TANK: variants seen among roughly 807,000 people sequenced by gnomAD.
The protein encoded by TANK is TRAF family member-associated NF-kappa-B activator.
In TANK, 15 loss-of-function variants were observed where a neutral mutation model predicts 43.6. The ratio of observed to expected loss-of-function variants is 0.34; its 90% CI spans 0.23 to 0.53. The LOEUF is 0.53. Among genes scored for constraint, TANK ranks in the 20% least tolerant of loss-of-function variants. The probability of loss-of-function intolerance (pLI) is 0.94; values close to 1 mark genes in which losing one functional copy is unlikely to be tolerated. For missense variants in TANK, 417 were observed against 498.6 expected (o/e 0.84, Z 1.56); for synonymous variants, 162 against 178.2 (o/e 0.91, Z 0.73).
chr2:161,197,255 T>A (rs1337562159), intron 2 of TANK: 1 of 152,266 alleles, frequency 6.6e-6, no homozygotes, highest in African/African-American at 2.4e-5. Flanking sequence ...CATTAATCTT[T>A]AATCGTTTAG....
intron 2 of TANK, among the ~76,000 whole-genome samples, chr2:161,189,990 G>A (rs914272206): frequency 6.6e-6 from 1 of 152,148 alleles, no homozygotes; most frequent in Non-Finnish European, 1.5e-5. Flanking sequence ...GTTGGACTTC[G>A]TCAAAATTAA....
In TANK at chr2:161,231,001, C is replaced by G; in HGVS notation, c.551C>G (p.Thr184Arg). 1.9e-6 allele frequency: 3 copies of G among 1,613,814 alleles called. No individual in the cohort carries two copies. Among genetic ancestry groups the G allele is most frequent in the Non-Finnish European group, 2.5e-6 (3 of 1,179,910 alleles). The change falls in exon 7 of 8, where the codon ACG becomes AGG. Residue 184 changes from threonine to arginine, a missense_variant. Thr to Arg is a moderately conservative substitution (Grantham distance 71). Transcript: ENST00000392749. The stretch of plus-strand genomic sequence containing the variant: ...CAGTGCTCTGTGCCTATACAGTGTA[C>G]GGATAAAACAGATAAACAAGAAGCG... ...ETQCSVPIQC[T>R]DKTDKQEALF...
chr2:161,232,267 GTCT>G (rs2105174474), intron 7 of TANK, among the ~76,000 whole-genome samples: 1 of 152,156 alleles, frequency 6.6e-6, no homozygotes, highest in East Asian at 1.9e-4. Context: ...AAAGTTTAAT[GTCT>G]GAAAGCAAAT....
chr2:161,167,876 G>A (rs140601574), intron 1 of TANK, among the ~76,000 whole-genome samples: 3 of 151,916 alleles, frequency 2.0e-5, no homozygotes, highest in Admixed American at 6.6e-5. Flanking sequence ...CGCTCGCCTC[G>A]GCCTCCCAGA....
At chr2:161,202,182 CTTTTTTTTTTTT>C (rs35913723) in intron 2 of TANK, among the ~76,000 whole-genome samples, 3 of 78,132 alleles carry the variant, frequency 3.8e-5, no homozygotes, top group Non-Finnish European at 7.2e-5. Context: ...GCTCTAATTT[CTTTTTTTTTTTT>C]TTTTTTTTTT....
intron 1 of TANK, among the ~76,000 whole-genome samples, chr2:161,172,801 A>T (rs774018073): frequency 6.6e-6 from 1 of 152,172 alleles, no homozygotes; most frequent in Non-Finnish European, 1.5e-5. Context: ...GTGCACATCC[A>T]GTCGGCCACC....
chr2:161,235,573 T>C lies in TANK; in HGVS notation c.*55T>C. On this transcript the variant is annotated 3_prime_UTR_variant, in exon 8 of 8. Transcript: ENST00000392749. ...CTATGTGATGATTTTGGGTTTTTAA[T>C]ACTATAAATACTTGATTGTAAACTA... The C allele has an allele frequency of 7.6e-7, 1 of 1,324,290 alleles. No individual in the cohort carries two copies. The highest frequency in any genetic ancestry group is 1.5e-5 in the African/African-American group (1 of 66,804). The allele number at this position is 1,324,290 out of a possible 1,614,324, so 82.0% of individuals were successfully genotyped here.
intron 4 of TANK, among the ~76,000 whole-genome samples, chr2:161,218,231 G>A (rs1293264679): frequency 6.6e-6 from 1 of 152,074 alleles, no homozygotes; most frequent in Non-Finnish European, 1.5e-5. Context: ...TCAAAACATG[G>A]CCTGTAACTG....
chr2:161,232,028 A>G (rs1687934778), intron 7 of TANK, among the ~76,000 whole-genome samples: 1 of 152,208 alleles, frequency 6.6e-6, no homozygotes, highest in African/African-American at 2.4e-5. Flanking sequence ...TACTTCTACT[A>G]CATCTTCAGT....
chr2:161,175,260 C>A (rs185251329), intron 1 of TANK, among the ~76,000 whole-genome samples: 50 of 152,148 alleles, frequency 3.3e-4, no homozygotes, highest in Admixed American at 8.5e-4. Flanking sequence ...ACCATAACAC[C>A]CTGGGAGAGC....
chr2:161,204,610 G>A (rs887241491), intron 3 of TANK, 65 bp from the exon 4 acceptor site: 21 of 1,446,022 alleles, frequency 1.5e-5, no homozygotes, highest in Admixed American at 6.7e-5. Flanking sequence ...ATTATTTTTT[G>A]CTTTTTCAGG....
chr2:161,165,106 A>G lies in TANK; in HGVS notation c.-50+4620A>G, dbSNP rs554928781. On this transcript the variant is annotated intron_variant, in intron 1 of 7. Transcript: ENST00000392749. ...AAAATAGGTTGCTAACATTGACAAC[A>G]AAGTATTTTAAGTCATTGCAGTAAG... Among the ~76,000 whole-genome samples, 7 of 151,784 alleles carry G rather than the reference A, an allele frequency of 4.6e-5. No individual in the cohort carries two copies. In the East Asian group the frequency reaches 9.6e-4, roughly 21 times the overall value.
intron 2 of TANK, among the ~76,000 whole-genome samples, chr2:161,192,772 C>T (rs940921719): frequency 8.5e-5 from 13 of 152,136 alleles, no homozygotes; most frequent in African/African-American, 2.9e-4. Context: ...TGTCACAGCC[C>T]TACAAAAGTA....
At chr2:161,225,028 A>G (rs534885923) in intron 6 of TANK, among the ~76,000 whole-genome samples, 4 of 152,274 alleles carry the variant, frequency 2.6e-5, no homozygotes, top group Admixed American at 2.6e-4. Context: ...AAAAAATACA[A>G]AATAAATACA....
intron 1 of TANK, chr2:161,161,529 C>A: frequency 6.8e-7 from 1 of 1,470,764 alleles, no homozygotes. Context: ...CCTTCTCAGT[C>A]CTCTCCCCAG....
At chr2:161,235,117 T>C (rs1285672506) in intron 7 of TANK, among the ~76,000 whole-genome samples, 1 of 152,236 alleles carries the variant, frequency 6.6e-6, no homozygotes, top group African/African-American at 2.4e-5. Flanking sequence ...ATAAAATGCA[T>C]GACTGTGTGT....
At chr2:161,218,420 T>G (rs1467952601) in intron 4 of TANK, among the ~76,000 whole-genome samples, 1 of 152,234 alleles carries the variant, frequency 6.6e-6, no homozygotes, top group Non-Finnish European at 1.5e-5. Context: ...TTAAAGCTAC[T>G]GGGGCAAAAA....
At chr2:161,188,369 A>G (rs1685761591) in intron 2 of TANK, among the ~76,000 whole-genome samples, 2 of 152,300 alleles carry the variant, frequency 1.3e-5, no homozygotes, top group South Asian at 4.1e-4. Flanking sequence ...CTACTTTACA[A>G]AAGTTAAAAA....
chr2:161,157,338 GAC>G (rs1180649085), upstream of TANK, among the ~76,000 whole-genome samples: 1 of 152,190 alleles, frequency 6.6e-6, no homozygotes, highest in Non-Finnish European at 1.5e-5. Flanking sequence ...TCTCTGAGAA[GAC>G]ACAGGCTGAA....
Sources: allele counts gnomAD v4.1 joint callset (sites outside exome capture counted in the v4.1 genomes callset), GRCh38; gene constraint gnomAD v4.1.1; transcripts MANE v1.5; gene names NCBI Gene and HGNC (gene_info 2026-07-23, HGNC 2026-07-21).